The following ZNF441 variants were observed in gnomAD, a reference collection of about 807,000 sequenced individuals.
The protein encoded by ZNF441 is zinc finger protein 441.
In ZNF441, 25 loss-of-function variants were observed where a neutral mutation model predicts 64.5. That is an observed-to-expected ratio of 0.39 (90% CI 0.28 to 0.54). ZNF441 has a LOEUF of 0.54. Ranked by LOEUF, ZNF441 falls within the 20% of genes least tolerant of loss-of-function variation. ZNF441 has a pLI of 0.70. For missense variants in ZNF441, 715 were observed against 843.3 expected (o/e 0.85, Z 1.88); for synonymous variants, 262 against 268.0 (o/e 0.98, Z 0.22).
chr19:11,772,792 C>T (rs1349115469), intron 1 of ZNF441, among the ~76,000 whole-genome samples: 1 of 152,070 alleles, frequency 6.6e-6, no homozygotes, highest in Non-Finnish European at 1.5e-5. Context: ...ACTCAGGAAG[C>T]TGAGGTGGGA....
At chr19:11,772,545 A>G (rs1975322863) in intron 1 of ZNF441, among the ~76,000 whole-genome samples, 1 of 152,198 alleles carries the variant, frequency 6.6e-6, no homozygotes, top group Non-Finnish European at 1.5e-5. Flanking sequence ...ACTACACTGG[A>G]CAGAGAATAC....
At position 11,767,137 on chromosome 19, in the gene ZNF441, G is replaced by A; in HGVS notation, c.-57G>A. On this transcript the variant is annotated 5_prime_UTR_variant, in exon 1 of 4. Coordinates refer to ENST00000357901, the MANE Select transcript of ZNF441 (RefSeq NM_152355.3). This position sits in a 1 kb window ranked among gnomAD's most constrained non-coding sequence, Gnocchi z 5.1. Reference sequence around the variant, plus strand: ...GTCTGTGGCAGCTTCTGTCTCGCTGGGACCCGCACTGACAGCGGGAGGCAG... The same window carrying A: ...GTCTGTGGCAGCTTCTGTCTCGCTGAGACCCGCACTGACAGCGGGAGGCAG... 2 of 1,553,106 alleles carry A rather than the reference G, an allele frequency of 1.3e-6. No homozygotes were observed. The highest frequency in any genetic ancestry group is 1.7e-6 in the Non-Finnish European group (2 of 1,147,908).
chr19:11,770,800 G>A (rs1192643429), intron 1 of ZNF441, among the ~76,000 whole-genome samples: 1 of 151,948 alleles, frequency 6.6e-6, no homozygotes, highest in Non-Finnish European at 1.5e-5. Context: ...TGTTGCCGAG[G>A]CTGGTCTTGA....
chr19:11,773,340 G>A (rs1172634707), intron 1 of ZNF441, among the ~76,000 whole-genome samples: 1 of 152,114 alleles, frequency 6.6e-6, no homozygotes, highest in African/African-American at 2.4e-5. Context: ...TTAAAAATGT[G>A]TTCAAGTGTG....
At chr19:11,769,169 T>C (rs1488169572) in intron 1 of ZNF441, among the ~76,000 whole-genome samples, 2 of 152,168 alleles carry the variant, frequency 1.3e-5, no homozygotes, top group African/African-American at 2.4e-5. Context: ...ATAAAACCCC[T>C]TTTTTGGTAT....
chr19:11,777,173 G>C (rs1374676630), intron 1 of ZNF441, among the ~76,000 whole-genome samples: 1 of 152,050 alleles, frequency 6.6e-6, no homozygotes, highest in Non-Finnish European at 1.5e-5. Context: ...CTTTAACCTG[G>C]GTAATTTATA....
Position 11,780,775 on chromosome 19 carries a change from T to G in ZNF441, c.951T>G (p.Phe317Leu), listed in dbSNP as rs778146260. The change falls in exon 4 of 4, where the codon TTT becomes TTG. Residue 317 changes from phenylalanine to leucine, a missense_variant. Transcript: ENST00000357901. ...AATGTAAGATATGTGGAAAAGGCTTTCTTTCTCCCAGTTCAGTTCGAAGAC... is the reference window on the plus strand; with the variant it reads ...AATGTAAGATATGTGGAAAAGGCTTGCTTTCTCCCAGTTCAGTTCGAAGAC... ...PHKCKICGKGFLSPSSVRRHK... is the reference protein window; with the variant it reads ...PHKCKICGKGLLSPSSVRRHK... The G allele has an allele frequency of 5.6e-6, 9 of 1,614,152 alleles. No individual in the cohort carries two copies. Among genetic ancestry groups the G allele is most frequent in the East Asian group, 2.2e-5 (1 of 44,876 alleles).
Position 11,782,148 on chromosome 19 carries a change from A to AT in ZNF441, c.*243dup. On this transcript the variant is annotated 3_prime_UTR_variant, in exon 4 of 4. Coordinates refer to ENST00000357901, the MANE Select transcript of ZNF441 (RefSeq NM_152355.3). ...TAGCAAACTTTCAAAGGTGGTTATT[A>AT]TAACATACTAGCAATGGACCTTACT... The AT allele has an allele frequency of 2.7e-6, 1 of 370,754 alleles. No homozygotes were observed. Among genetic ancestry groups the AT allele is most frequent in the Non-Finnish European group, 4.9e-6 (1 of 205,676 alleles). The allele number at this position is 370,754 out of a possible 1,614,324, so 23.0% of individuals were successfully genotyped here.
Position 11,767,413 on chromosome 19 carries a change from G to C in ZNF441, c.3+217G>C, listed in dbSNP as rs1451999588. 3.9e-5 allele frequency among the ~76,000 whole-genome samples: 6 copies of C among 152,388 alleles called. No homozygotes were observed. Among genetic ancestry groups the C allele is most frequent in the Non-Finnish European group, 8.8e-5 (6 of 68,042 alleles). On this transcript the variant is annotated intron_variant, in intron 1 of 3. Transcript: ENST00000357901. The surrounding 1 kb of genome is among the most constrained non-coding windows in gnomAD (Gnocchi z 5.1). The stretch of plus-strand genomic sequence containing the variant: ...CGGCCACTGCGGCCCTGGCCCTGGA[G>C]GCCTGTCTGGGCAGCTCCGCGCCCG...
At position 11,778,351 on chromosome 19, in the gene ZNF441, A is replaced by T. The variant is rs1397578789; in HGVS notation, c.152A>T (p.Asp51Val). The change falls in exon 3 of 4, where the codon GAT becomes GTT. Residue 51 changes from aspartate (D) to valine (V), a missense_variant. By Grantham distance (152) the Asp-to-Val change is radical (BLOSUM62 -3). This residue lies in a region of ZNF441 where 399 missense variants were observed against 413.9 expected (regional missense o/e 0.96). Transcript: ENST00000357901. ...DCIGMIWQNH[D>V]IEEDQYKDLR... ...TTAGGAATGATATGGCAAAATCATG[A>T]TATAGAAGAAGATCAGTACAAAGAT... The T allele has an allele frequency of 6.5e-7, 1 of 1,546,234 alleles. No homozygotes were observed. The highest frequency in any genetic ancestry group is 2.5e-5 in the East Asian group (1 of 40,800).
At chr19:11,777,807 A>G in intron 2 of ZNF441, 70 bp downstream of exon 2, 5 of 1,545,276 alleles carry the variant, frequency 3.2e-6, no homozygotes, top group Non-Finnish European at 2.6e-6. Context: ...ATGCTGTTCA[A>G]TTATTTGAAA....
chr19:11,772,978 A>C (rs1410858537), intron 1 of ZNF441, among the ~76,000 whole-genome samples: 1 of 152,158 alleles, frequency 6.6e-6, no homozygotes, highest in Non-Finnish European at 1.5e-5. Flanking sequence ...TTTTTAGTAG[A>C]GACAGGGTTT....
intron 2 of ZNF441, chr19:11,778,080 C>T (rs1275252623): frequency 2.2e-6 from 1 of 447,622 alleles, no homozygotes; most frequent in African/African-American, 2.0e-5. Context: ...TACAACATTA[C>T]AAAGTTTTCA....
Position 11,777,668 on chromosome 19 carries a change from C to G in ZNF441, c.61C>G (p.Leu21Val). 1 of 1,613,582 alleles carries G rather than the reference C, an allele frequency of 6.2e-7. No individual in the cohort carries two copies. Among genetic ancestry groups the G allele is most frequent in the Non-Finnish European group, 8.5e-7 (1 of 1,179,676 alleles). Residue 21 changes from leucine (L) to valine (V), a missense_variant, in exon 2 of 4, where the codon CTG (leucine) becomes GTG (valine). Leu to Val is a conservative substitution (Grantham distance 32). This residue lies in a region of ZNF441 where 399 missense variants were observed against 413.9 expected (regional missense o/e 0.96). Transcript: ENST00000357901. ...INFTCEEWAL[L>V]GPSQKSLYRD... ...CTTCACCTGTGAGGAGTGGGCTTTG[C>G]TGGGTCCATCACAGAAGAGTCTCTA...
chr19:11,779,452 A>G (rs1401853332), intron 3 of ZNF441, among the ~76,000 whole-genome samples: 2 of 152,114 alleles, frequency 1.3e-5, no homozygotes, highest in East Asian at 1.9e-4. Context: ...CCTGGGCAAC[A>G]TGGTGAAACC....
rs1244970409 is a variant in ZNF441 at position 11,780,420 on chromosome 19, A to G, written c.596A>G (p.Lys199Arg). The change falls in exon 4 of 4, where the codon AAG becomes AGG. Residue 199 changes from lysine to arginine, a missense_variant. Around this residue, in one of 2 missense-constraint regions of ZNF441, gnomAD observed 399 missense variants for 413.9 expected, o/e 0.96. Coordinates refer to ENST00000357901, the MANE Select transcript of ZNF441 (RefSeq NM_152355.3). Reference protein sequence around the residue: ...AHHGDGPRICKLCGNAFIWPS... With the variant: ...AHHGDGPRICRLCGNAFIWPS... ...CATGGAGATGGACCTCGTATATGTA[A>G]GTTGTGTGGAAACGCCTTTATTTGG... 3.1e-6 allele frequency: 5 copies of G among 1,614,096 alleles called. No individual in the cohort carries two copies. Among genetic ancestry groups the G allele is most frequent in the Non-Finnish European group, 4.2e-6 (5 of 1,180,050 alleles).
rs569665973 is a variant in ZNF441, at chr19:11,780,856, A to G, written c.1032A>G (p.Ala344=). 5 of 1,613,982 alleles carry G rather than the reference A, an allele frequency of 3.1e-6. No homozygotes were observed. The highest frequency in any genetic ancestry group is 1.3e-5 in the African/African-American group (1 of 74,982). Residue 344 remains alanine (A), a synonymous_variant, in exon 4 of 4, where the codon GCA becomes GCG. Transcript: ENST00000357901. ...ATGAATGTAAGTATTGTGGGAAAGC[A>G]TTCTCTGATTGCACAGGTTTTCGAA... ...KPYECKYCGK[A]FSDCTGFRRH... is the part of the protein sequence containing the mutation.
intron 1 of ZNF441, among the ~76,000 whole-genome samples, chr19:11,770,586 T>C (rs1293341871): frequency 6.6e-6 from 1 of 152,170 alleles, no homozygotes; most frequent in East Asian, 1.9e-4. Flanking sequence ...TTTGTTTGTT[T>C]GCTTGAAGTG....
Position 11,780,906 on chromosome 19 carries a change from A to G in ZNF441, c.1082A>G (p.Asp361Gly). ...AGACACATGATAACGCACACTGGAG[A>G]TGGACCTCATAAATGCAAGGTATGT... ...FRRHMITHTGDGPHKCKVCGK... is the reference protein window; with the variant it reads ...FRRHMITHTGGGPHKCKVCGK... Residue 361 changes from aspartate to glycine, a missense_variant, in exon 4 of 4, where the codon GAT becomes GGT. Asp to Gly is a moderately conservative substitution (Grantham distance 94, BLOSUM62 -1). Around this residue, in one of 2 missense-constraint regions of ZNF441, gnomAD observed 316 missense variants for 429.3 expected, o/e 0.74. Coordinates refer to ENST00000357901, the MANE Select transcript of ZNF441 (RefSeq NM_152355.3). 3.1e-6 allele frequency: 5 copies of G among 1,614,202 alleles called. No individual in the cohort carries two copies. The highest frequency in any genetic ancestry group is 4.2e-6 in the Non-Finnish European group (5 of 1,180,036).
Sources: gnomAD v4.1 joint callset for allele counts (sites outside exome capture counted in the v4.1 genomes callset) on GRCh38, gnomAD v4.1.1 for gene constraint, gnomAD v4.1.1 regional missense constraint, Gnocchi (gnomAD v3.1) non-coding constraint, MANE v1.5 for transcripts, NCBI Gene and HGNC (gene_info 2026-07-23, HGNC 2026-07-21) for gene names.